NAALADL2: variants seen among roughly 807,000 people sequenced by gnomAD.
The protein encoded by NAALADL2 is N-acetylated alpha-linked acidic dipeptidase like 2, also known as inactive N-acetylated-alpha-linked acidic dipeptidase-like protein 2.
NAALADL2 carries 76 observed loss-of-function variants against 87.2 expected under a neutral mutation model. The ratio of observed to expected loss-of-function variants is 0.87; its 90% confidence interval spans 0.72 to 1.05. NAALADL2 has a LOEUF of 1.05. NAALADL2 is among the 50% of genes least tolerant of loss of function. The pLI, the probability that NAALADL2 is intolerant of heterozygous loss-of-function variation, is 0.00. For synonymous variants in NAALADL2, 354 were observed against 331.0 expected, an observed-to-expected ratio of 1.07 and a Z score of -0.75; for missense variants, 1,089 against 945.8, an observed-to-expected ratio of 1.15 and a Z score of -1.99.
At chr3:175,430,796 G>A (rs1717620560) in intron 5 of NAALADL2, among the ~76,000 whole-genome samples, 1 of 151,982 alleles carries the variant, frequency 6.6e-6, no homozygotes. Flanking sequence ...TGCAGATTTA[G>A]ACTATTGAGT....
chr3:175,445,562 T>C (rs1158378784), intron 5 of NAALADL2, among the ~76,000 whole-genome samples: 2 of 152,224 alleles, frequency 1.3e-5, no homozygotes, highest in Non-Finnish European at 2.9e-5. Context: ...CTTTGAGAGA[T>C]AGAGACTTAA....
Position 175,007,236 on chromosome 3 carries a change from G to C in NAALADL2, c.44-89554G>C, listed in dbSNP as rs1372700731. On this transcript the variant is annotated intron_variant, in intron 1 of 13. Transcript: ENST00000454872. ...ACCTATTGTAGTGCTAGTAAATTTT[G>C]GGTTAATTAACAAGTATCAGATGGA... Among the ~76,000 whole-genome samples the C allele has an allele frequency of 2.0e-5, 3 of 151,612 alleles. No individual in the cohort carries two copies. In the East Asian group the frequency reaches 5.8e-4, roughly 29 times the overall value.
At chr3:175,717,814 T>G (rs1221777087) in intron 11 of NAALADL2, among the ~76,000 whole-genome samples, 1 of 144,984 alleles carries the variant, frequency 6.9e-6, no homozygotes, top group Non-Finnish European at 1.5e-5. Flanking sequence ...TTTTTTTTTT[T>G]TTTTTTTTTT....
chr3:175,492,604 AT>A (rs1318311201), intron 9 of NAALADL2, among the ~76,000 whole-genome samples: 30 of 152,284 alleles, frequency 2.0e-4, no homozygotes, highest in African/African-American at 7.0e-4. Flanking sequence ...TTCCATGACA[AT>A]TCCAAGCATT....
At chr3:174,920,624 T>G (rs930439123) in intron 1 of NAALADL2, among the ~76,000 whole-genome samples, 1 of 152,156 alleles carries the variant, frequency 6.6e-6, no homozygotes, top group Non-Finnish European at 1.5e-5. Context: ...ATACGGTGGT[T>G]TTGCTTTGCT....
At chr3:174,913,298 A>T (rs1733943191) in intron 1 of NAALADL2, among the ~76,000 whole-genome samples, 1 of 152,120 alleles carries the variant, frequency 6.6e-6, no homozygotes, top group Non-Finnish European at 1.5e-5. Flanking sequence ...TGTCACCTGC[A>T]AGTATTCTAG....
chr3:174,917,481 T>G (rs2108332772), intron 1 of NAALADL2, among the ~76,000 whole-genome samples: 1 of 152,260 alleles, frequency 6.6e-6, no homozygotes, highest in Non-Finnish European at 1.5e-5. Context: ...TCCTTAATTG[T>G]AGTAACATGT....
chr3:174,893,565 TTAAC>T (rs1246631102), intron 1 of NAALADL2, among the ~76,000 whole-genome samples: 1 of 152,226 alleles, frequency 6.6e-6, no homozygotes, highest in African/African-American at 2.4e-5. Flanking sequence ...TTGCATGTAA[TTAAC>T]ATGAGTTTTT....
intron 3 of NAALADL2, among the ~76,000 whole-genome samples, chr3:174,751,405 G>T (rs1734804338): frequency 6.6e-6 from 1 of 152,156 alleles, no homozygotes; most frequent in Non-Finnish European, 1.5e-5. Context: ...GCTCACGTCT[G>T]TAATCCCAGC....
At chr3:174,529,289 C>T (rs141254176) in intron 1 of NAALADL2, among the ~76,000 whole-genome samples, 1 of 152,356 alleles carries the variant, frequency 6.6e-6, no homozygotes, top group Non-Finnish European at 1.5e-5. Context: ...CCATGTCTCA[C>T]ATCCAGGTTG....
chr3:175,093,124 C>A (rs2108336800), intron 1 of NAALADL2, among the ~76,000 whole-genome samples: 1 of 151,802 alleles, frequency 6.6e-6, no homozygotes, highest in South Asian at 2.1e-4. Context: ...CTAACCAAAT[C>A]ATCTGCATCA....
At chr3:174,614,366 C>T (rs1260795520) in intron 2 of NAALADL2, among the ~76,000 whole-genome samples, 2 of 152,152 alleles carry the variant, frequency 1.3e-5, no homozygotes, top group Non-Finnish European at 2.9e-5. Context: ...AACTGAAGTT[C>T]CAACCACTGG....
intron 2 of NAALADL2, among the ~76,000 whole-genome samples, chr3:174,646,794 T>G (rs1352798316): frequency 6.6e-6 from 1 of 152,208 alleles, no homozygotes; most frequent in East Asian, 1.9e-4. Flanking sequence ...TATTTATATA[T>G]TCTGTCTGCC....
At chr3:175,282,896 C>T (rs1452017004) in intron 4 of NAALADL2, among the ~76,000 whole-genome samples, 1 of 149,380 alleles carries the variant, frequency 6.7e-6, no homozygotes, top group Non-Finnish European at 1.5e-5. Context: ...GGTTTGGTAA[C>T]TACCTTTCTG....
At chr3:175,005,573 C>T (rs1748900169) in intron 1 of NAALADL2, among the ~76,000 whole-genome samples, 1 of 152,046 alleles carries the variant, frequency 6.6e-6, no homozygotes, top group South Asian at 2.1e-4. Flanking sequence ...ATTGTAAGGT[C>T]TGTAGTCTAC....
intron 3 of NAALADL2, among the ~76,000 whole-genome samples, chr3:174,820,919 G>A (rs554402093): frequency 2.0e-5 from 3 of 152,040 alleles, no homozygotes; most frequent in South Asian, 2.1e-4. Context: ...AGAAAGCCTC[G>A]TTCACAGAAA....
At chr3:175,515,560 GA>G (rs143935735) in intron 9 of NAALADL2, among the ~76,000 whole-genome samples, 4,914 of 139,308 alleles carry the variant, frequency 0.035, 80 homozygotes, top group Middle Eastern at 0.041. Flanking sequence ...TAATTTTTGG[GA>G]AAAAAAAAAA....
At chr3:175,629,412 T>G (rs1582690688) in intron 11 of NAALADL2, among the ~76,000 whole-genome samples, 1 of 150,414 alleles carries the variant, frequency 6.6e-6, no homozygotes, top group African/African-American at 2.4e-5. Context: ...ATACAATGAA[T>G]ATATATATTT....
chr3:175,471,644 CAAG>C lies in NAALADL2; in HGVS notation c.1543_1545del (p.Lys515del), dbSNP rs1560607408. The stretch of plus-strand genomic sequence containing the variant: ...TTTTTTTTTTGTTATTTCAGGATTT[CAAG>C]AAGGTTCTTCAGAAAAATGTTGTGG... On this transcript the variant is annotated inframe_deletion, in exon 9 of 14. Transcript: ENST00000454872. 6.8e-7 allele frequency: 1 copy of C among 1,468,976 alleles called. No homozygotes were observed. Among genetic ancestry groups the C allele is most frequent in the East Asian group, 2.3e-5 (1 of 43,648 alleles). 91.0% of individuals were successfully genotyped at this position (1,468,976 alleles called of 1,614,324 possible).
Sources: allele counts gnomAD v4.1 joint callset (sites outside exome capture counted in the v4.1 genomes callset), GRCh38; gene constraint gnomAD v4.1.1; transcripts MANE v1.5; gene names NCBI Gene and HGNC (gene_info 2026-07-23, HGNC 2026-07-21).